Variants in CYTH1 observed in about 807,000 individuals in gnomAD.
CYTH1 encodes the protein cytohesin 1.
In CYTH1, 18 loss-of-function variants were observed where a neutral mutation model predicts 61.8. The ratio of observed to expected loss-of-function variants is 0.29; its 90% CI spans 0.20 to 0.43. The LOEUF (loss-of-function observed/expected upper bound fraction) is 0.43. Among genes scored for constraint, CYTH1 ranks in the 20% least tolerant of loss-of-function variants. The probability of loss-of-function intolerance (pLI) is 1.00; values close to 1 mark genes in which losing one functional copy is unlikely to be tolerated. For missense variants in CYTH1, 336 were observed against 510.5 expected (o/e 0.66, Z 3.29); for synonymous variants, 174 against 184.3 (o/e 0.94, Z 0.45).
intron 1 of CYTH1, among the ~76,000 whole-genome samples, chr17:78,770,531 T>C (rs964599334): frequency 3.3e-5 from 5 of 151,848 alleles, no homozygotes; most frequent in African/African-American, 1.2e-4. Flanking sequence ...CGATTCTCCT[T>C]GTTCAGCCTC....
chr17:78,714,598 G>T (rs1021077092), intron 1 of CYTH1, among the ~76,000 whole-genome samples: 2 of 152,164 alleles, frequency 1.3e-5, no homozygotes, highest in Non-Finnish European at 2.9e-5. Flanking sequence ...GAGCAGACAA[G>T]TGTGGAGCTG....
chr17:78,709,888 T>C (rs775815550), intron 1 of CYTH1, among the ~76,000 whole-genome samples, 156 bp from the exon 2 acceptor site: 1 of 152,182 alleles, frequency 6.6e-6, no homozygotes, highest in Non-Finnish European at 1.5e-5. Flanking sequence ...CTCCAATTCT[T>C]ATCAGATTTC....
intron 1 of CYTH1, among the ~76,000 whole-genome samples, chr17:78,769,846 G>T (rs1405924677): frequency 6.6e-6 from 1 of 151,780 alleles, no homozygotes; most frequent in Non-Finnish European, 1.5e-5. Context: ...GTGAAACTCC[G>T]TCTCTACTAA....
chr17:78,675,631 TA>T lies in CYTH1; in HGVS notation c.*459del, dbSNP rs59964250. 130,324 of 255,812 alleles carry T rather than the reference TA, an allele frequency of 0.51. 25,813 individuals are homozygous for T. The highest frequency in any genetic ancestry group is 0.53 in the African/African-American group (23,834 of 44,680). 15.8% of individuals were successfully genotyped at this position (255,812 alleles called of 1,614,324 possible). On this transcript the variant is annotated 3_prime_UTR_variant, in exon 14 of 14. Coordinates refer to ENST00000446868, the MANE Select transcript of CYTH1 (RefSeq NM_004762.6). Reference sequence around the variant, plus strand: ...ACCTGAACAGCCCTACGTTCTCTCTTAAAAAAAAAAAAATAGATCTTTATAG... The same window carrying T: ...ACCTGAACAGCCCTACGTTCTCTCTTAAAAAAAAAAAATAGATCTTTATAG...
intron 1 of CYTH1, among the ~76,000 whole-genome samples, chr17:78,753,141 A>T (rs954886995): frequency 6.6e-6 from 1 of 152,112 alleles, no homozygotes; most frequent in African/African-American, 2.4e-5. Context: ...CTCTCATGCC[A>T]CCCCAGCACA....
intron 1 of CYTH1, among the ~76,000 whole-genome samples, chr17:78,720,070 G>A (rs1452078146): frequency 6.6e-6 from 1 of 152,140 alleles, no homozygotes; most frequent in African/African-American, 2.4e-5. Flanking sequence ...ACAGACAGTG[G>A]GATGGATGTT....
At chr17:78,684,953 C>A (rs1482429620) in intron 11 of CYTH1, among the ~76,000 whole-genome samples, 1 of 152,166 alleles carries the variant, frequency 6.6e-6, no homozygotes, top group Non-Finnish European at 1.5e-5. Context: ...GTAATCCCAG[C>A]ACTTTGGGAG....
chr17:78,695,399 C>T (rs1186914973), intron 10 of CYTH1, among the ~76,000 whole-genome samples: 1 of 152,126 alleles, frequency 6.6e-6, no homozygotes, highest in Non-Finnish European at 1.5e-5. Context: ...CACCTTCACT[C>T]GGTATCATTT....
At chr17:78,766,087 GAAAAAAAA>G (rs59673666) in intron 1 of CYTH1, among the ~76,000 whole-genome samples, 6 of 65,682 alleles carry the variant, frequency 9.1e-5, no homozygotes, top group African/African-American at 4.0e-4. Flanking sequence ...CATCTCTACA[GAAAAAAAA>G]AAAAAAAAAA....
intron 1 of CYTH1, among the ~76,000 whole-genome samples, chr17:78,710,717 A>G (rs2093120069): frequency 6.6e-6 from 1 of 152,230 alleles, no homozygotes; most frequent in African/African-American, 2.4e-5. Flanking sequence ...AAGATGATGT[A>G]GAGTAATTAA....
chr17:78,695,641 T>A (rs1182618843), intron 10 of CYTH1, among the ~76,000 whole-genome samples: 2 of 152,214 alleles, frequency 1.3e-5, no homozygotes, highest in African/African-American at 2.4e-5. Flanking sequence ...GAGATTAACT[T>A]TCAATCAGGC....
At chr17:78,759,894 C>T (rs2093415320) in intron 1 of CYTH1, among the ~76,000 whole-genome samples, 2 of 152,132 alleles carry the variant, frequency 1.3e-5, no homozygotes, top group African/African-American at 2.4e-5. Context: ...GGTTCTGAAG[C>T]GTGAGTTTCC....
At chr17:78,781,181 A>AAAAAG (rs71161625) in intron 1 of CYTH1, among the ~76,000 whole-genome samples, 3,075 of 150,824 alleles carry the variant, frequency 0.02, 94 homozygotes, top group South Asian at 0.15. Flanking sequence ...AAAAAAAAAA[A>AAAAAG]AAAAAGAAAA....
chr17:78,689,325 T>C lies in CYTH1; in HGVS notation c.891+3092A>G, dbSNP rs143686822. On this transcript the variant is annotated intron_variant, in intron 11 of 13. Coordinates refer to ENST00000446868, the MANE Select transcript of CYTH1 (RefSeq NM_004762.6). Reference sequence around the variant, plus strand: ...GTGGAGTCAAACCTCTCTGCTAACATTCATCTGTACTTGCAGCTGCTCCCC... The same window carrying C: ...GTGGAGTCAAACCTCTCTGCTAACACTCATCTGTACTTGCAGCTGCTCCCC... Among the ~76,000 whole-genome samples the C allele has an allele frequency of 5.0e-3, 769 of 152,300 alleles. 1 individual carries two copies. Among genetic ancestry groups the C allele is most frequent in the African/African-American group, 0.018 (738 of 41,564 alleles).
rs150113080 is a variant in CYTH1 at position 78,727,829 on chromosome 17, C to T, written c.23-18097G>A. On this transcript the variant is annotated intron_variant, in intron 1 of 13. Coordinates refer to ENST00000446868, the MANE Select transcript of CYTH1 (RefSeq NM_004762.6). ...TCTCCTGCCCATGCAGGGGGCAGAA[C>T]TGTAGGAGGAAGAAAGACGAGACCT... 409 of 403,972 alleles carry T rather than the reference C, an allele frequency of 1.0e-3. 2 individuals carry two copies. The highest frequency in any genetic ancestry group is 7.5e-3 in the African/African-American group (360 of 48,116). The allele number at this position is 403,972 out of a possible 1,614,324, so 25.0% of individuals were successfully genotyped here.
chr17:78,781,516 C>T (rs372656684), intron 1 of CYTH1, among the ~76,000 whole-genome samples: 3 of 152,160 alleles, frequency 2.0e-5, no homozygotes, highest in Non-Finnish European at 4.4e-5. Flanking sequence ...CGGTGCCCCT[C>T]GGGCTCCACA....
At chr17:78,779,016 A>G (rs957071514) in intron 1 of CYTH1, among the ~76,000 whole-genome samples, 2 of 152,186 alleles carry the variant, frequency 1.3e-5, no homozygotes, top group East Asian at 1.9e-4. Flanking sequence ...ATCTTACACC[A>G]TCAGGTACTT....
At chr17:78,681,624 TAC>T (rs2092763305) in intron 11 of CYTH1, among the ~76,000 whole-genome samples, 1 of 152,200 alleles carries the variant, frequency 6.6e-6, no homozygotes, top group Non-Finnish European at 1.5e-5. Flanking sequence ...CCATCTCATC[TAC>T]AGAGGGCACG....
intron 11 of CYTH1, among the ~76,000 whole-genome samples, chr17:78,686,263 A>G (rs756020825): frequency 2.6e-5 from 4 of 151,992 alleles, no homozygotes; most frequent in African/African-American, 2.4e-5. Context: ...AATTTGTTCC[A>G]CTCCTTAAAG....
Sources: gnomAD v4.1 joint callset for allele counts (sites outside exome capture counted in the v4.1 genomes callset) on GRCh38, gnomAD v4.1.1 for gene constraint, MANE v1.5 for transcripts, NCBI Gene and HGNC (gene_info 2026-07-23, HGNC 2026-07-21) for gene names.